The following ADAMTS2 variants were observed in gnomAD, a reference collection of about 807,000 sequenced individuals.
ADAMTS2 encodes the protein A disintegrin and metalloproteinase with thrombospondin motifs 2.
A neutral mutation model predicts 123.0 loss-of-function variants in ADAMTS2; 50 were observed. That is an observed-to-expected ratio of 0.41 (90% CI 0.32 to 0.51). The LOEUF (loss-of-function observed/expected upper bound fraction) is 0.51. Ranked by LOEUF, ADAMTS2 falls within the 20% of genes least tolerant of loss-of-function variation. ADAMTS2 has a pLI of 0.35. For missense variants in ADAMTS2, 1,494 were observed against 1,705.2 expected (o/e 0.88, Z 2.18); for synonymous variants, 678 against 695.4 (o/e 0.98, Z 0.39).
chr5:179,341,804 G>A (rs1310590674), intron 2 of ADAMTS2, among the ~76,000 whole-genome samples: 2 of 152,148 alleles, frequency 1.3e-5, no homozygotes, highest in African/African-American at 4.8e-5. Context: ...TGCCGCTCAG[G>A]CAGGTCCCAG....
intron 3 of ADAMTS2, among the ~76,000 whole-genome samples, chr5:179,217,331 A>C (rs1220641941): frequency 6.6e-6 from 1 of 152,268 alleles, no homozygotes; most frequent in Non-Finnish European, 1.5e-5. Flanking sequence ...AGCAACACTC[A>C]TGTTGCAAAA....
chr5:179,278,186 A>AC (rs147956715), intron 2 of ADAMTS2, among the ~76,000 whole-genome samples: 12,594 of 105,640 alleles, frequency 0.12, 1,452 homozygotes, highest in East Asian at 0.23. Context: ...CCAAAGGCTG[A>AC]CCCCCCCAAG....
In ADAMTS2 at chr5:179,130,789, G is replaced by T. The variant is rs189447335; in HGVS notation, c.2291-691C>A. The stretch of plus-strand genomic sequence containing the variant: ...TAGTGAGAAAATCATTCCCTGTCAC[G>T]TCCCCTGTAATTCTGTCCACTCACA... On this transcript the variant is annotated intron_variant, in intron 15 of 21. Transcript: ENST00000251582. The surrounding 1 kb of genome is among the most constrained non-coding windows in gnomAD (Gnocchi z 4.3). Among the ~76,000 whole-genome samples, 13 of 152,228 alleles carry T rather than the reference G, an allele frequency of 8.5e-5. No individual in the cohort carries two copies. In the East Asian group the frequency reaches 2.1e-3, roughly 25 times the overall value.
chr5:179,334,357 G>T (rs7734278), intron 2 of ADAMTS2, among the ~76,000 whole-genome samples: 49 of 152,010 alleles, frequency 3.2e-4, no homozygotes, highest in Non-Finnish European at 6.5e-4. Context: ...CAAACACCCC[G>T]GAATCGCAAC....
In ADAMTS2 at chr5:179,308,025, C is replaced by T. The variant is rs993063593; in HGVS notation, c.535-34961G>A. 4.6e-5 allele frequency among the ~76,000 whole-genome samples: 7 copies of T among 152,172 alleles called. No individual in the cohort carries two copies. The highest frequency in any genetic ancestry group is 1.9e-4 in the East Asian group (1 of 5,200). On this transcript the variant is annotated intron_variant, in intron 2 of 21. Coordinates refer to ENST00000251582, the MANE Select transcript of ADAMTS2 (RefSeq NM_014244.5). The surrounding 1 kb of genome is among the most constrained non-coding windows in gnomAD (Gnocchi z 6.6). Reference sequence around the variant, plus strand: ...CATCTCACAGGCATGGAGTTGAGTACGGGAGGTCGCCGGCCCTCCCGAGGC... The same window carrying T: ...CATCTCACAGGCATGGAGTTGAGTATGGGAGGTCGCCGGCCCTCCCGAGGC...
chr5:179,168,265 C>T (rs762775614), intron 5 of ADAMTS2, among the ~76,000 whole-genome samples: 11 of 152,146 alleles, frequency 7.2e-5, no homozygotes, highest in Admixed American at 1.3e-4. Context: ...AAATGTCCCC[C>T]GGGTGGGGGG....
intron 4 of ADAMTS2, among the ~76,000 whole-genome samples, chr5:179,201,113 G>A (rs1764553977): frequency 6.6e-6 from 1 of 152,198 alleles, no homozygotes. Flanking sequence ...AGTGGTGTGA[G>A]GAGGTGGGGA....
intron 3 of ADAMTS2, among the ~76,000 whole-genome samples, chr5:179,233,713 CAAAA>C (rs975281242): frequency 2.6e-5 from 4 of 152,070 alleles, no homozygotes; most frequent in African/African-American, 9.7e-5. Context: ...AACAAACAAA[CAAAA>C]CAAACAAAAA....
Position 179,125,185 on chromosome 5 carries a change from C to T in ADAMTS2, c.2751-5G>A, listed in dbSNP as rs751090751. On this transcript the variant is annotated splice_region_variant and splice_polypyrimidine_tract_variant and intron_variant, in intron 18 of 21. Coordinates refer to ENST00000251582, the MANE Select transcript of ADAMTS2 (RefSeq NM_014244.5). Reference sequence around the variant, plus strand: ...TCCCATTCGCCTGTGACCCACCTGCCAGGGCAGAGCGGGGCACAGTCAGGC... The same window carrying T: ...TCCCATTCGCCTGTGACCCACCTGCTAGGGCAGAGCGGGGCACAGTCAGGC... 6.2e-7 allele frequency: 1 copy of T among 1,611,850 alleles called. No homozygotes were observed. The highest frequency in any genetic ancestry group is 8.5e-7 in the Non-Finnish European group (1 of 1,179,814).
chr5:179,270,523 A>T (rs1766501329), intron 3 of ADAMTS2, among the ~76,000 whole-genome samples: 1 of 151,984 alleles, frequency 6.6e-6, no homozygotes, highest in Non-Finnish European at 1.5e-5. Flanking sequence ...CTATACACAC[A>T]CACACATACA....
chr5:179,216,738 C>T (rs996990012), intron 3 of ADAMTS2, among the ~76,000 whole-genome samples: 9 of 152,380 alleles, frequency 5.9e-5, no homozygotes, highest in African/African-American at 1.4e-4. Context: ...GCCAGCTCTC[C>T]ACTTTAATAT....
intron 2 of ADAMTS2, among the ~76,000 whole-genome samples, chr5:179,282,907 T>C (rs1487719551): frequency 6.6e-6 from 1 of 152,060 alleles, no homozygotes; most frequent in Non-Finnish European, 1.5e-5. Context: ...AACCATGTCA[T>C]CTTGAGATGG....
intron 2 of ADAMTS2, among the ~76,000 whole-genome samples, chr5:179,331,069 G>A (rs1365966839): frequency 6.6e-6 from 1 of 151,860 alleles, no homozygotes; most frequent in Non-Finnish European, 1.5e-5. Flanking sequence ...CATCCCCATC[G>A]CTGTGCCCTG....
intron 3 of ADAMTS2, among the ~76,000 whole-genome samples, chr5:179,257,072 G>A (rs1252301261): frequency 6.6e-6 from 1 of 152,224 alleles, no homozygotes; most frequent in African/African-American, 2.4e-5. Context: ...GGGAGGCCCA[G>A]GCCTGGTCCC....
intron 6 of ADAMTS2, among the ~76,000 whole-genome samples, chr5:179,156,030 C>T (rs1183213237): frequency 1.3e-5 from 2 of 152,156 alleles, no homozygotes; most frequent in South Asian, 2.1e-4. Context: ...TTGAGACGAG[C>T]GTGGAGTCTG....
chr5:179,333,760 C>A (rs2127460205), intron 2 of ADAMTS2, among the ~76,000 whole-genome samples: 1 of 152,012 alleles, frequency 6.6e-6, no homozygotes, highest in East Asian at 1.9e-4. Context: ...CCACCATGCC[C>A]AGCTAATTTT....
At position 179,189,901 on chromosome 5, in the gene ADAMTS2, C is replaced by CG. The variant is rs566336472; in HGVS notation, c.892-8747dup. On this transcript the variant is annotated intron_variant, in intron 4 of 21. Transcript: ENST00000251582. This position sits in a 1 kb window ranked among gnomAD's most constrained non-coding sequence, Gnocchi z 4.2. ...AGTAGATTCACAAGGGCGGGTCCGG[C>CG]GGGGGCGGGTGGCAATATCACAAAG... Among the ~76,000 whole-genome samples the CG allele has an allele frequency of 2.7e-5, 4 of 149,610 alleles. No individual in the cohort carries two copies. The highest frequency in any genetic ancestry group is 4.4e-5 in the Non-Finnish European group (3 of 67,610).
At chr5:179,281,574 T>C (rs1766906423) in intron 2 of ADAMTS2, among the ~76,000 whole-genome samples, 1 of 152,260 alleles carries the variant, frequency 6.6e-6, no homozygotes, top group African/African-American at 2.4e-5. Context: ...TACCACATTT[T>C]ATTTATCCAT....
chr5:179,294,685 C>A (rs1246201817), intron 2 of ADAMTS2, among the ~76,000 whole-genome samples: 1 of 152,252 alleles, frequency 6.6e-6, no homozygotes, highest in Non-Finnish European at 1.5e-5. Flanking sequence ...GTGGCCCCTG[C>A]CCCGTGTGCC....
Sources: allele counts gnomAD v4.1 joint callset (sites outside exome capture counted in the v4.1 genomes callset), GRCh38; gene constraint gnomAD v4.1.1; non-coding constraint Gnocchi (gnomAD v3.1); transcripts MANE v1.5; gene names NCBI Gene and HGNC (gene_info 2026-07-23, HGNC 2026-07-21).